The following PIGN variants were observed in gnomAD, a reference collection of about 807,000 sequenced individuals.
The protein encoded by PIGN is phosphatidylinositol glycan anchor biosynthesis class N.
Under a neutral mutation model 125.4 loss-of-function variants are expected in PIGN, and 117 were observed. The ratio of observed to expected loss-of-function variants is 0.93; its 90% CI spans 0.80 to 1.09. The LOEUF (loss-of-function observed/expected upper bound fraction) is 1.09. Ranked by LOEUF, PIGN falls within the 50% of genes least tolerant of loss-of-function variation. The pLI is 0.00. For synonymous variants in PIGN, 392 were observed against 377.8 expected, an observed-to-expected ratio of 1.04 and a Z score of -0.44; for missense variants, 1,075 against 1,094.9, an observed-to-expected ratio of 0.98 and a Z score of 0.26.
chr18:62,108,771 A>G (rs1255189141), intron 17 of PIGN, among the ~76,000 whole-genome samples: 1 of 152,044 alleles, frequency 6.6e-6, no homozygotes, highest in Non-Finnish European at 1.5e-5. Flanking sequence ...TTGTATTTTT[A>G]GTAGAAACAT....
intron 20 of PIGN, chr18:62,103,652 A>C (rs1378288330): frequency 6.6e-6 from 1 of 152,244 alleles, no homozygotes; most frequent in Non-Finnish European, 1.5e-5. Context: ...CCAGAACCCA[A>C]ATAGAACTAA....
intron 23 of PIGN, among the ~76,000 whole-genome samples, chr18:62,021,308 T>C (rs931994681): frequency 6.6e-6 from 1 of 152,180 alleles, no homozygotes. Context: ...AGCCAGGAGC[T>C]GTGTGTGAAA....
intron 30 of PIGN, among the ~76,000 whole-genome samples, chr18:62,054,352 G>A (rs530242581): frequency 3.7e-4 from 56 of 150,824 alleles, no homozygotes; most frequent in Non-Finnish European, 7.5e-4. Context: ...AAGTAAATCT[G>A]ATAAATTGGG....
chr18:62,164,345 G>A (rs1419827391), intron 1 of PIGN, among the ~76,000 whole-genome samples: 1 of 152,054 alleles, frequency 6.6e-6, no homozygotes, highest in Admixed American at 6.6e-5. Context: ...ACATTGCTAC[G>A]AAGAACCATC....
At chr18:62,059,912 C>G (rs950677900) in intron 30 of PIGN, among the ~76,000 whole-genome samples, 1 of 152,154 alleles carries the variant, frequency 6.6e-6, no homozygotes. Context: ...CCATCACTTA[C>G]AGGTTAAAAT....
chr18:62,059,869 T>C (rs991852988), intron 30 of PIGN, among the ~76,000 whole-genome samples: 1 of 152,176 alleles, frequency 6.6e-6, no homozygotes, highest in African/African-American at 2.4e-5. Context: ...AAGAAAAGAT[T>C]ACATGCTAGC....
chr18:62,033,213 C>A (rs1020039570), intron 23 of PIGN, among the ~76,000 whole-genome samples: 1 of 152,166 alleles, frequency 6.6e-6, no homozygotes, highest in African/African-American at 2.4e-5. Context: ...CCCCCCAAGA[C>A]CCCTTTAATA....
rs1355691128 is a variant in PIGN, at chr18:62,041,640, G to GGGGTGTGTGTGTGTGTGTGTGTGTGTGT, written c.*4215_*4216insACACACACACACACACACACACACACCC. ...ATTACAGGAGCCTACCACCCCGCCG[G>GGGGTGTGTGTGTGTGTGTGTGTGTGTGT]GTGTGTGTGTGTGTGTGTGTGTGTG... On this transcript the variant is annotated 3_prime_UTR_variant, in exon 31 of 31. Coordinates refer to ENST00000640252, the MANE Select transcript of PIGN (RefSeq NM_176787.5). 1 of 77,470 alleles carries GGGGTGTGTGTGTGTGTGTGTGTGTGTGT rather than the reference G, an allele frequency of 1.3e-5. No homozygotes were observed. Among genetic ancestry groups the GGGGTGTGTGTGTGTGTGTGTGTGTGTGT allele is most frequent in the Non-Finnish European group, 2.4e-5 (1 of 40,880 alleles). 4.8% of individuals were successfully genotyped at this position (77,470 alleles called of 1,614,324 possible). A position where few individuals can be genotyped will look rare whatever the true frequency, so the allele number is the denominator to read the frequency against.
intron 14 of PIGN, among the ~76,000 whole-genome samples, chr18:62,132,869 G>GAATA (rs56837088): frequency 0.24 from 36,002 of 151,826 alleles, 4,474 homozygotes; most frequent in Middle Eastern, 0.38. Context: ...TTTTCCAAAT[G>GAATA]GTCAATTTTC....
chr18:62,160,126 AG>A (rs2036893702), intron 4 of PIGN, among the ~76,000 whole-genome samples: 1 of 152,218 alleles, frequency 6.6e-6, no homozygotes, highest in South Asian at 2.1e-4. Context: ...AAAAAGAAAA[AG>A]AAAAAGAAAA....
chr18:62,099,646 C>G (rs752888350), intron 22 of PIGN, among the ~76,000 whole-genome samples: 7 of 151,912 alleles, frequency 4.6e-5, no homozygotes, highest in Non-Finnish European at 7.4e-5. Flanking sequence ...AATAGAGAAC[C>G]CAGAAATAAA....
chr18:62,022,762 TA>T (rs2030068575), intron 23 of PIGN, among the ~76,000 whole-genome samples: 1 of 152,212 alleles, frequency 6.6e-6, no homozygotes, highest in Non-Finnish European at 1.5e-5. Flanking sequence ...TCACATACCA[TA>T]AAACCCAAAG....
chr18:62,126,647 C>A (rs1180566135), intron 14 of PIGN, among the ~76,000 whole-genome samples: 2 of 152,106 alleles, frequency 1.3e-5, no homozygotes, highest in African/African-American at 4.8e-5. Flanking sequence ...AATATTCCAG[C>A]CTCTAGTATC....
intron 7 of PIGN, among the ~76,000 whole-genome samples, chr18:62,150,627 A>G (rs866471692): frequency 6.6e-6 from 1 of 152,204 alleles, no homozygotes; most frequent in African/African-American, 2.4e-5. Context: ...AGAGTAGTCA[A>G]ATGCATAGAA....
intron 1 of PIGN, among the ~76,000 whole-genome samples, chr18:62,183,492 T>C (rs1330611008): frequency 1.3e-5 from 2 of 152,254 alleles, no homozygotes; most frequent in Non-Finnish European, 2.9e-5. Context: ...ACTTGCAACC[T>C]ATCTTCCACT....
chr18:62,106,155 A>T (rs1052848730), intron 19 of PIGN, among the ~76,000 whole-genome samples: 1 of 152,208 alleles, frequency 6.6e-6, no homozygotes, highest in African/African-American at 2.4e-5. Flanking sequence ...TTAGATTAAG[A>T]TCCCTCACAA....
chr18:62,139,173 T>C (rs1294959668), intron 12 of PIGN, 98 bp from the exon 13 acceptor site: 1 of 587,322 alleles, frequency 1.7e-6, no homozygotes, highest in Non-Finnish European at 3.0e-6. Context: ...ATAAGGCATA[T>C]GGACAAATAA....
chr18:62,076,416 G>A (rs2033174655), intron 28 of PIGN, among the ~76,000 whole-genome samples: 1 of 152,000 alleles, frequency 6.6e-6, no homozygotes, highest in East Asian at 1.9e-4. Flanking sequence ...CAGATAACCT[G>A]GTTTGTAAAT....
intron 30 of PIGN, among the ~76,000 whole-genome samples, chr18:62,049,511 G>A (rs1401175189): frequency 6.6e-6 from 1 of 151,954 alleles, no homozygotes; most frequent in African/African-American, 2.4e-5. Context: ...CTTTTGAGAA[G>A]TGTCTGTCCA....
Sources: allele counts gnomAD v4.1 joint callset (sites outside exome capture counted in the v4.1 genomes callset), GRCh38; gene constraint gnomAD v4.1.1; transcripts MANE v1.5; gene names NCBI Gene and HGNC (gene_info 2026-07-23, HGNC 2026-07-21).